The following ROBO1 variants were observed in gnomAD, a reference collection of about 807,000 sequenced individuals.
ROBO1 encodes roundabout homolog 1.
Under a neutral mutation model 195.9 loss-of-function variants are expected in ROBO1, and 149 were observed. The observed-to-expected ratio is 0.76, with a 90% CI of 0.67 to 0.87. ROBO1 has a LOEUF of 0.87. Ranked by LOEUF, ROBO1 falls within the 40% of genes least tolerant of loss-of-function variation. ROBO1 has a pLI of 0.00. For synonymous variants in ROBO1, 816 were observed against 733.2 expected (o/e 1.11, Z -1.82); for missense variants, 1,933 against 2,068.3 (o/e 0.93, Z 1.27).
chr3:78,822,324 G>GA (rs2031087644), intron 4 of ROBO1, among the ~76,000 whole-genome samples: 1 of 152,240 alleles, frequency 6.6e-6, no homozygotes, highest in African/African-American at 2.4e-5. Context: ...ACTGTACAAG[G>GA]AAAAAATCTA....
intron 1 of ROBO1, among the ~76,000 whole-genome samples, chr3:79,622,808 A>G (rs1945050702): frequency 6.6e-6 from 1 of 152,198 alleles, no homozygotes; most frequent in Non-Finnish European, 1.5e-5. Flanking sequence ...CCCCTCCACC[A>G]AAGGACAAAG....
At chr3:79,108,165 T>A (rs1207458997) in intron 3 of ROBO1, among the ~76,000 whole-genome samples, 1 of 151,746 alleles carries the variant, frequency 6.6e-6, no homozygotes, top group Non-Finnish European at 1.5e-5. Flanking sequence ...CTGATTTTGA[T>A]CAACTCTCTC....
At chr3:79,106,745 C>A (rs552145190) in intron 3 of ROBO1, among the ~76,000 whole-genome samples, 2 of 151,574 alleles carry the variant, frequency 1.3e-5, no homozygotes, top group East Asian at 3.9e-4. Context: ...AAAATATATA[C>A]ACATCAAAGC....
chr3:79,639,229 T>A (rs1422751587), intron 1 of ROBO1, among the ~76,000 whole-genome samples: 1 of 152,192 alleles, frequency 6.6e-6, no homozygotes, highest in Non-Finnish European at 1.5e-5. Context: ...TTTAGAGATA[T>A]CACAGCTAAA....
rs1369974801 is a variant in ROBO1, at chr3:78,598,569, C to A, written c.*344G>T. 4.9e-6 allele frequency: 1 copy of A among 203,248 alleles called. No homozygotes were observed. The highest frequency in any genetic ancestry group is 2.3e-5 in the African/African-American group (1 of 43,426). The allele number at this position is 203,248 out of a possible 1,614,324, so 12.6% of individuals were successfully genotyped here. A position where few individuals can be genotyped will look rare whatever the true frequency, so the allele number is the denominator to read the frequency against. ...AAATTAGCTTGGCATATAAGCAGTG[C>A]AATGCCATATCTCAGCGGCAAAATG... On this transcript the variant is annotated 3_prime_UTR_variant, in exon 31 of 31. Transcript: ENST00000464233.
chr3:78,616,602 C>A (rs1704128407), intron 27 of ROBO1, among the ~76,000 whole-genome samples: 1 of 151,976 alleles, frequency 6.6e-6, no homozygotes, highest in South Asian at 2.1e-4. Context: ...GGAAGACTAC[C>A]AATGTGGTAG....
intron 3 of ROBO1, among the ~76,000 whole-genome samples, chr3:79,058,677 T>G (rs1272860588): frequency 1.4e-5 from 2 of 141,688 alleles, no homozygotes; most frequent in African/African-American, 5.3e-5. Flanking sequence ...GTCCAATGCA[T>G]TAATTGTCAT....
intron 4 of ROBO1, among the ~76,000 whole-genome samples, chr3:78,832,976 G>A (rs1049655575): frequency 1.3e-5 from 2 of 152,126 alleles, no homozygotes; most frequent in African/African-American, 2.4e-5. Context: ...CCATTGATCT[G>A]GCAGGAGCAC....
intron 1 of ROBO1, among the ~76,000 whole-genome samples, chr3:79,698,366 A>G (rs13082628): frequency 6.6e-6 from 1 of 151,462 alleles, no homozygotes; most frequent in African/African-American, 2.4e-5. Flanking sequence ...TTAAAAAACA[A>G]TCACAGATAG....
chr3:79,018,405 A>G (rs755719693), intron 3 of ROBO1: 1 of 1,613,906 alleles, frequency 6.2e-7, no homozygotes, highest in African/African-American at 1.3e-5. Context: ...ACGCGGGGTT[A>G]CCTGAACAGA....
At chr3:78,952,017 A>C (rs149505479) in intron 3 of ROBO1, among the ~76,000 whole-genome samples, 2 of 151,652 alleles carry the variant, frequency 1.3e-5, no homozygotes, top group East Asian at 3.9e-4. Context: ...ATTTTTTTCT[A>C]TCATGACATT....
intron 8 of ROBO1, among the ~76,000 whole-genome samples, chr3:78,694,984 C>G (rs1446860535): frequency 6.6e-6 from 1 of 151,098 alleles, no homozygotes; most frequent in African/African-American, 2.4e-5. Context: ...ATATTAAAAA[C>G]AAAAAAAACT....
At chr3:78,857,506 T>C (rs1042832086) in intron 4 of ROBO1, among the ~76,000 whole-genome samples, 5 of 152,178 alleles carry the variant, frequency 3.3e-5, no homozygotes, top group Non-Finnish European at 7.3e-5. Flanking sequence ...ATTCCTGTTT[T>C]AGATATGAGA....
At chr3:78,615,250 A>C (rs1186453640) in intron 27 of ROBO1, among the ~76,000 whole-genome samples, 1 of 151,944 alleles carries the variant, frequency 6.6e-6, no homozygotes, top group Non-Finnish European at 1.5e-5. Flanking sequence ...AATGGCACCC[A>C]TATTTTAATT....
intron 1 of ROBO1, among the ~76,000 whole-genome samples, chr3:79,720,849 G>C (rs1431891843): frequency 6.7e-6 from 1 of 149,854 alleles, no homozygotes; most frequent in Admixed American, 6.7e-5. Flanking sequence ...CTGGAGTGCA[G>C]TGGTGCGATC....
chr3:78,839,926 A>G (rs548526321), intron 4 of ROBO1, among the ~76,000 whole-genome samples: 2 of 152,336 alleles, frequency 1.3e-5, no homozygotes, highest in South Asian at 4.1e-4. Flanking sequence ...TTTTATTAAG[A>G]TAACAGTGAA....
At chr3:78,802,696 C>T (rs1280686464) in intron 4 of ROBO1, among the ~76,000 whole-genome samples, 1 of 143,762 alleles carries the variant, frequency 7.0e-6, no homozygotes, top group Non-Finnish European at 1.5e-5. Context: ...ATAGAAGGAG[C>T]CTGCGGTCTA....
intron 2 of ROBO1, among the ~76,000 whole-genome samples, chr3:79,280,801 A>G (rs1225667836): frequency 6.6e-6 from 1 of 152,144 alleles, no homozygotes; most frequent in Non-Finnish European, 1.5e-5. Flanking sequence ...CCTGCAACCT[A>G]CATTGCTCGC....
At chr3:78,648,629 T>C (rs1706449682) in intron 19 of ROBO1, among the ~76,000 whole-genome samples, 2 of 151,598 alleles carry the variant, frequency 1.3e-5, no homozygotes, top group South Asian at 2.1e-4. Flanking sequence ...AGGGAGGAGA[T>C]TGACTTATTT....
Sources: allele counts gnomAD v4.1 joint callset (sites outside exome capture counted in the v4.1 genomes callset), GRCh38; gene constraint gnomAD v4.1.1; transcripts MANE v1.5; gene names NCBI Gene and HGNC (gene_info 2026-07-23, HGNC 2026-07-21).